The following ZNF678 variants were observed in gnomAD, a reference collection of about 807,000 sequenced individuals.
The protein encoded by ZNF678 is hypothetical protein MGC42493.
Under a neutral mutation model 3.0 loss-of-function variants are expected in ZNF678, and 5 were observed. The observed-to-expected ratio is 1.69, with a 90% CI of 0.88 to 3.56. The LOEUF (loss-of-function observed/expected upper bound fraction) is 3.56. Ranked by LOEUF, ZNF678 falls within the 30% of genes most tolerant of loss-of-function variation. ZNF678 has a pLI of 0.00. For missense variants in ZNF678, 593 were observed against 605.0 expected (o/e 0.98, Z 0.21); for synonymous variants, 218 against 199.6 (o/e 1.09, Z -0.78).
At chr1:227,619,494 C>G (rs1178152761) in intron 1 of ZNF678, among the ~76,000 whole-genome samples, 1 of 152,038 alleles carries the variant, frequency 6.6e-6, no homozygotes. Context: ...ATAGTTAACC[C>G]TTTTATGCCT....
chr1:227,645,273 A>C (rs1658926088), intron 1 of ZNF678, among the ~76,000 whole-genome samples: 1 of 152,204 alleles, frequency 6.6e-6, no homozygotes, highest in Admixed American at 6.5e-5. Flanking sequence ...AGATAATCTC[A>C]TCTGAACAGA....
At chr1:227,578,923 C>T (rs1657052130) in intron 1 of ZNF678, among the ~76,000 whole-genome samples, 1 of 152,120 alleles carries the variant, frequency 6.6e-6, no homozygotes, top group African/African-American at 2.4e-5. Context: ...CTTTCTTCTT[C>T]TTCTTTTATT....
intron 1 of ZNF678, among the ~76,000 whole-genome samples, chr1:227,594,516 C>G (rs1657509890): frequency 6.6e-6 from 1 of 152,206 alleles, no homozygotes; most frequent in South Asian, 2.1e-4. Context: ...TGTTTACACA[C>G]AGAATTTTCT....
At chr1:227,593,888 C>G (rs1490547292) in intron 1 of ZNF678, among the ~76,000 whole-genome samples, 3 of 119,776 alleles carry the variant, frequency 2.5e-5, no homozygotes, top group African/African-American at 6.0e-5. Flanking sequence ...TTTTGATGTA[C>G]GAACAGCAGT....
intron 1 of ZNF678, among the ~76,000 whole-genome samples, chr1:227,568,576 T>C (rs992169186): frequency 2.6e-5 from 4 of 152,240 alleles, no homozygotes; most frequent in Admixed American, 1.3e-4. Context: ...TACAGATCTT[T>C]CATTTGGCTG....
chr1:227,633,999 G>A (rs1249756891), intron 1 of ZNF678, among the ~76,000 whole-genome samples: 2 of 152,206 alleles, frequency 1.3e-5, no homozygotes, highest in Non-Finnish European at 2.9e-5. Flanking sequence ...AAGGAAGAGC[G>A]GGGAGGACTG....
intron 1 of ZNF678, among the ~76,000 whole-genome samples, chr1:227,585,213 T>G (rs1171773217): frequency 6.6e-6 from 1 of 152,212 alleles, no homozygotes; most frequent in African/African-American, 2.4e-5. Flanking sequence ...AGATCTGTTA[T>G]GTTAAACATG....
intron 1 of ZNF678, among the ~76,000 whole-genome samples, chr1:227,579,167 T>G (rs938632619): frequency 9.9e-5 from 15 of 152,006 alleles, no homozygotes; most frequent in Non-Finnish European, 1.3e-4. Context: ...TGCTAGTGGG[T>G]GCTGGGGTGC....
rs1047933160 is a variant in ZNF678, at chr1:227,655,199, G to A, written c.949G>A (p.Gly317Arg). The A allele has an allele frequency of 2.5e-6, 4 of 1,611,868 alleles. No homozygotes were observed. In the African/African-American group the frequency reaches 5.3e-5, roughly 22 times the overall value. ...SLTRHKRIHT[G>R]EKPYQCEECG... ...TACTCGTCATAAAAGAATTCATACT[G>A]GAGAAAAACCCTACCAATGTGAAGA... Residue 317 changes from glycine (G) to arginine (R), a missense_variant, in exon 4 of 4, where the codon GGA (glycine) becomes AGA (arginine). Transcript: ENST00000343776.
At chr1:227,645,775 G>T (rs184248687) in intron 1 of ZNF678, among the ~76,000 whole-genome samples, 1 of 152,234 alleles carries the variant, frequency 6.6e-6, no homozygotes, top group Admixed American at 6.5e-5. Flanking sequence ...CTCCTCCTGT[G>T]CATTTTTACA....
intron 1 of ZNF678, 107 bp downstream of exon 1, chr1:227,563,831 T>A: frequency 9.1e-7 from 1 of 1,098,388 alleles, no homozygotes; most frequent in Non-Finnish European, 1.2e-6. Context: ...ATCTGTCACC[T>A]CTGGGTAGGG....
chr1:227,642,696 C>T (rs144118273), intron 1 of ZNF678, among the ~76,000 whole-genome samples: 49 of 151,828 alleles, frequency 3.2e-4, no homozygotes, highest in African/African-American at 8.9e-4. Flanking sequence ...CATCAGCATC[C>T]GAGATTCTGT....
chr1:227,573,907 A>AG (rs1307346183), intron 1 of ZNF678, among the ~76,000 whole-genome samples: 1 of 152,134 alleles, frequency 6.6e-6, no homozygotes, highest in Non-Finnish European at 1.5e-5. Context: ...TCCACTTACA[A>AG]GTGAGAATAT....
intron 1 of ZNF678, among the ~76,000 whole-genome samples, chr1:227,623,249 A>T (rs1229768006): frequency 1.3e-5 from 2 of 152,254 alleles, no homozygotes; most frequent in African/African-American, 4.8e-5. Context: ...TAACTATTTA[A>T]TCAGTGAATA....
intron 1 of ZNF678, among the ~76,000 whole-genome samples, chr1:227,624,093 A>C (rs192856182): frequency 1.3e-5 from 2 of 152,240 alleles, no homozygotes; most frequent in Non-Finnish European, 2.9e-5. Flanking sequence ...AGATACAGAT[A>C]CAGATTTAGG....
chr1:227,650,683 G>T (rs1659068333), intron 2 of ZNF678, among the ~76,000 whole-genome samples: 2 of 151,950 alleles, frequency 1.3e-5, no homozygotes, highest in South Asian at 4.2e-4. Flanking sequence ...CCAATGTAAA[G>T]ATTTTTCACT....
chr1:227,639,983 T>C (rs2102790068), intron 1 of ZNF678, among the ~76,000 whole-genome samples: 1 of 152,268 alleles, frequency 6.6e-6, no homozygotes, highest in Admixed American at 6.5e-5. Context: ...TAACAATATC[T>C]TTGGTTCCTG....
intron 1 of ZNF678, among the ~76,000 whole-genome samples, chr1:227,591,075 A>G (rs757218189): frequency 6.6e-6 from 1 of 151,740 alleles, no homozygotes; most frequent in African/African-American, 2.4e-5. Context: ...ACTGCGCTAC[A>G]TGCTCGGCTA....
At chr1:227,664,852 G>A (rs1045545250), downstream of ZNF678, among the ~76,000 whole-genome samples, 9 of 151,724 alleles carry the variant, frequency 5.9e-5, no homozygotes, top group East Asian at 2.0e-4. Flanking sequence ...GATTTCTCAC[G>A]CTCCCCACCA....
Sources: allele counts gnomAD v4.1 joint callset (sites outside exome capture counted in the v4.1 genomes callset), GRCh38; gene constraint gnomAD v4.1.1; transcripts MANE v1.5; gene names NCBI Gene and HGNC (gene_info 2026-07-23, HGNC 2026-07-21).